The following RABEPK variants were observed in gnomAD, a reference collection of about 807,000 sequenced individuals.
RABEPK encodes Rab9 effector protein with kelch motifs, also known as 40 kDa Rab9 effector protein.
In RABEPK, 27 loss-of-function variants were observed where a neutral mutation model predicts 34.1. The ratio of observed to expected loss-of-function variants is 0.79; its 90% CI spans 0.58 to 1.09. The LOEUF (loss-of-function observed/expected upper bound fraction) is 1.09. Ranked by LOEUF, RABEPK falls within the 50% of genes least tolerant of loss-of-function variation. RABEPK has a pLI of 0.00. For missense variants in RABEPK, 449 were observed against 462.6 expected (o/e 0.97, Z 0.27); for synonymous variants, 172 against 169.2 (o/e 1.02, Z -0.13).
intron 6 of RABEPK, among the ~76,000 whole-genome samples, chr9:125,230,548 T>G (rs1186346772): frequency 2.0e-5 from 3 of 151,366 alleles, no homozygotes; most frequent in Non-Finnish European, 1.5e-5. Flanking sequence ...ATTTTTTTTT[T>G]TTTTTGAGAT....
In RABEPK at chr9:125,233,692, G is replaced by A; in HGVS notation, c.831G>A (p.Glu277=). ...LDTMYQYHTE[E]QHWTLLKFDT... The stretch of plus-strand genomic sequence containing the variant: ...CCTTTTCCCTCCCCAACATAGAAGA[G>A]CAGCATTGGACCTTGCTTAAATTTG... The change falls in exon 8 of 8, where the codon GAG becomes GAA. Residue 277 remains glutamate, a synonymous_variant. Coordinates refer to ENST00000373538, the MANE Select transcript of RABEPK (RefSeq NM_005833.4). 5 of 1,611,406 alleles carry A rather than the reference G, an allele frequency of 3.1e-6. No individual in the cohort carries two copies. The highest frequency in any genetic ancestry group is 3.4e-6 in the Non-Finnish European group (4 of 1,178,000).
In RABEPK at chr9:125,220,696, C is replaced by T. The variant is rs538699478; in HGVS notation, c.522C>T (p.Asp174=). Residue 174 remains aspartate (D), a synonymous_variant, in exon 5 of 8, where the codon GAC becomes GAT. Coordinates refer to ENST00000373538, the MANE Select transcript of RABEPK (RefSeq NM_005833.4). ...PVQDTKLHVF[D]ANTLTWSQPE... The stretch of plus-strand genomic sequence containing the variant: ...AGGACACGAAGCTGCATGTGTTTGA[C>T]GCAAGTATGGACTGGTGGGCACCTT... 38 of 1,613,810 alleles carry T rather than the reference C, an allele frequency of 2.4e-5. No individual in the cohort carries two copies. Among genetic ancestry groups the T allele is most frequent in the Middle Eastern group, 3.3e-4 (2 of 6,058 alleles).
At chr9:125,217,212 A>G (rs359591) in intron 4 of RABEPK, among the ~76,000 whole-genome samples, 79,161 of 151,784 alleles carry the variant, frequency 0.52, 21,155 homozygotes, top group Middle Eastern at 0.58. Context: ...GGATTTAAAT[A>G]AACTCAGTAT....
At chr9:125,204,057 G>A (rs990209412) in intron 2 of RABEPK, among the ~76,000 whole-genome samples, 15 of 149,714 alleles carry the variant, frequency 1.0e-4, no homozygotes, top group African/African-American at 3.7e-4. Flanking sequence ...AAAAAAGGCC[G>A]GGCACGGTGG....
intron 6 of RABEPK, among the ~76,000 whole-genome samples, chr9:125,232,310 A>G (rs1832253058): frequency 6.6e-6 from 1 of 152,074 alleles, no homozygotes; most frequent in Non-Finnish European, 1.5e-5. Flanking sequence ...GAATGGTTGA[A>G]GGTGACTGTT....
chr9:125,213,422 A>C lies in RABEPK; in HGVS notation c.264A>C (p.Glu88Asp). The change falls in exon 4 of 8, where the codon GAA becomes GAC. Residue 88 changes from glutamate (E) to aspartate (D), a missense_variant. Transcript: ENST00000373538. ...GCAAGGGCCTCTTGCCCCGGTATGA[A>C]CATGCTAGCTTCATTCCCTCCTGCA... The part of the protein sequence containing the change: ...DTCKGLLPRY[E>D]HASFIPSCTP... The C allele has an allele frequency of 6.2e-7, 1 of 1,614,100 alleles. No individual in the cohort carries two copies. Among genetic ancestry groups the C allele is most frequent in the Non-Finnish European group, 8.5e-7 (1 of 1,180,000 alleles).
rs113196306 is a variant in RABEPK, at chr9:125,209,058, T to A, written c.211+1337T>A. Among the ~76,000 whole-genome samples the A allele has an allele frequency of 3.4e-3, 242 of 71,152 alleles. 2 individuals carry two copies. Among genetic ancestry groups the A allele is most frequent in the African/African-American group, 0.02 (220 of 11,112 alleles). 46.7% of individuals were successfully genotyped at this position (71,152 alleles called of 152,430 possible). On this transcript the variant is annotated intron_variant, in intron 3 of 7. Coordinates refer to ENST00000373538, the MANE Select transcript of RABEPK (RefSeq NM_005833.4). ...TATTTCAGACTTTTCTCAACCTCCC[T>A]TTTTTTTTTTTTTTTTTGAGACCAA...
intron 4 of RABEPK, among the ~76,000 whole-genome samples, chr9:125,219,528 G>T (rs1332938156): frequency 6.6e-6 from 1 of 151,400 alleles, no homozygotes; most frequent in Non-Finnish European, 1.5e-5. Flanking sequence ...TGAGTAGCTG[G>T]GATTATAGGT....
rs1376909507 is a variant in RABEPK at position 125,203,064 on chromosome 9, A to G, written c.51A>G (p.Thr17=). The G allele has an allele frequency of 3.1e-6, 5 of 1,613,114 alleles. No individual in the cohort carries two copies. The highest frequency in any genetic ancestry group is 1.7e-5 in the Admixed American group (1 of 59,998). ...LEPGDKPRKA[T]WYTLTVPGDS... ...CTGGAGACAAGCCCAGGAAAGCAAC[A>G]TGGTCTGTAAGGAAGGATCCAGACA... Residue 17 remains threonine, a splice_region_variant and synonymous_variant, in exon 2 of 8, where the codon ACA becomes ACG. Transcript: ENST00000373538.
chr9:125,215,940 G>C (rs1386230052), intron 4 of RABEPK, among the ~76,000 whole-genome samples: 1 of 152,098 alleles, frequency 6.6e-6, no homozygotes, highest in Non-Finnish European at 1.5e-5. Context: ...GACCAGCACT[G>C]AATTTATCAG....
intron 3 of RABEPK, among the ~76,000 whole-genome samples, chr9:125,211,968 C>CAAA (rs1009703533): frequency 7.3e-6 from 1 of 136,366 alleles, no homozygotes; most frequent in Non-Finnish European, 1.6e-5. Context: ...GACTCCATCT[C>CAAA]AAAAAAAAAA....
intron 4 of RABEPK, among the ~76,000 whole-genome samples, chr9:125,215,175 T>C (rs1830844035): frequency 6.6e-6 from 1 of 151,556 alleles, no homozygotes; most frequent in Non-Finnish European, 1.5e-5. Flanking sequence ...TTTTTCCTTT[T>C]AATTTCATAA....
intron 2 of RABEPK, among the ~76,000 whole-genome samples, chr9:125,205,421 C>A (rs752646584): frequency 9.9e-5 from 15 of 152,162 alleles, no homozygotes; most frequent in Non-Finnish European, 1.8e-4. Context: ...AATTACTTAA[C>A]CTTTCTTAGC....
chr9:125,231,939 G>C (rs1259281791), intron 6 of RABEPK, among the ~76,000 whole-genome samples: 1 of 113,572 alleles, frequency 8.8e-6, no homozygotes, highest in East Asian at 2.6e-4. Context: ...CGCTCTTGTT[G>C]CCCAGGCTGG....
In RABEPK at chr9:125,200,812, G is replaced by A; in HGVS notation, c.-101G>A. ...ACGTGGGGATGAGATTTGCTGGGCTGGTAGCGGCGGCTGCTGCGGGAGGTC... is the reference window on the plus strand; with the variant it reads ...ACGTGGGGATGAGATTTGCTGGGCTAGTAGCGGCGGCTGCTGCGGGAGGTC... On this transcript the variant is annotated 5_prime_UTR_variant, in exon 1 of 8. Coordinates refer to ENST00000373538, the MANE Select transcript of RABEPK (RefSeq NM_005833.4). The A allele has an allele frequency of 2.1e-6, 1 of 471,254 alleles. No individual in the cohort carries two copies. The highest frequency in any genetic ancestry group is 4.4e-6 in the Non-Finnish European group (1 of 227,070). The allele number at this position is 471,254 out of a possible 1,614,324, so 29.2% of individuals were successfully genotyped here. A position where few individuals can be genotyped will look rare whatever the true frequency, so the allele number is the denominator to read the frequency against.
intron 3 of RABEPK, among the ~76,000 whole-genome samples, chr9:125,211,231 C>T (rs1375970365): frequency 6.7e-6 from 1 of 150,328 alleles, no homozygotes; most frequent in Non-Finnish European, 1.5e-5. Context: ...GGCGAGACGC[C>T]ATCTCAAAAA....
chr9:125,203,028 A>G lies in RABEPK; in HGVS notation c.15A>G (p.Pro5=), dbSNP rs773704697. MKQL[P]VLEPGDKPRK... ...CATAGGACACCATGAAGCAACTGCC[A>G]GTCTTGGAACCTGGAGACAAGCCCA... Residue 5 remains proline, a synonymous_variant, in exon 2 of 8, where the codon CCA becomes CCG. Coordinates refer to ENST00000373538, the MANE Select transcript of RABEPK (RefSeq NM_005833.4). 116 of 1,613,702 alleles carry G rather than the reference A, an allele frequency of 7.2e-5. No individual in the cohort carries two copies. Among genetic ancestry groups the G allele is most frequent in the Middle Eastern group, 1.6e-4 (1 of 6,082 alleles).
At chr9:125,222,384 T>C (rs1831401141) in intron 5 of RABEPK, 1 of 151,966 alleles carries the variant, frequency 6.6e-6, no homozygotes, top group South Asian at 2.1e-4. Context: ...ACTGTTAACA[T>C]CTCAGTGTAT....
At chr9:125,214,749 T>C (rs1588359955) in intron 4 of RABEPK, among the ~76,000 whole-genome samples, 1 of 151,588 alleles carries the variant, frequency 6.6e-6, no homozygotes, top group East Asian at 2.0e-4. Flanking sequence ...GAAAAAGTCA[T>C]CCACAATCCA....
Sources: gnomAD v4.1 joint callset for allele counts (sites outside exome capture counted in the v4.1 genomes callset) on GRCh38, gnomAD v4.1.1 for gene constraint, MANE v1.5 for transcripts, NCBI Gene and HGNC (gene_info 2026-07-23, HGNC 2026-07-21) for gene names.